WWC2: variants seen among roughly 807,000 people sequenced by gnomAD.
The protein encoded by WWC2 is protein WWC2.
A neutral mutation model predicts 138.5 loss-of-function variants in WWC2; 101 were observed. The observed-to-expected ratio is 0.73, with a 90% CI of 0.62 to 0.86. The LOEUF is 0.86. Among genes scored for constraint, WWC2 ranks in the 40% least tolerant of loss-of-function variants. WWC2 has a pLI of 0.00. For synonymous variants in WWC2, 558 were observed against 538.4 expected (o/e 1.04, Z -0.50); for missense variants, 1,420 against 1,419.4 (o/e 1.00, Z -0.01).
Position 183,149,621 on chromosome 4 carries a change from TAA to T in WWC2, c.132-43964_132-43963del, listed in dbSNP as rs776141200. On this transcript the variant is annotated intron_variant, in intron 1 of 22. Coordinates refer to ENST00000403733, the MANE Select transcript of WWC2 (RefSeq NM_024949.6). ...TGGGCAACAAGAGTGAAACTCTGTCTAAAAAAAAAAAAAAATCTTTAAGTATT... is the reference window on the plus strand; with the variant it reads ...TGGGCAACAAGAGTGAAACTCTGTCTAAAAAAAAAAAAATCTTTAAGTATT... Among the ~76,000 whole-genome samples, 736 of 134,558 alleles carry T rather than the reference TAA, an allele frequency of 5.5e-3. 6 individuals are homozygous for T. The highest frequency in any genetic ancestry group is 0.019 in the African/African-American group (704 of 36,720). 88.3% of individuals were successfully genotyped at this position (134,558 alleles called of 152,430 possible).
intron 21 of WWC2, among the ~76,000 whole-genome samples, chr4:183,309,455 CAAAT>C (rs1477829268): frequency 1.3e-5 from 2 of 152,126 alleles, no homozygotes; most frequent in Non-Finnish European, 2.9e-5. Context: ...AAGCAGATGA[CAAAT>C]AAACACATGA....
At chr4:183,242,989 G>A (rs1736667057) in intron 5 of WWC2, among the ~76,000 whole-genome samples, 1 of 152,174 alleles carries the variant, frequency 6.6e-6, no homozygotes, top group African/African-American at 2.4e-5. Context: ...GGAGGCAAAA[G>A]AAAAAGAGCA....
At chr4:183,219,374 C>T (rs556019669) in intron 4 of WWC2, among the ~76,000 whole-genome samples, 55 of 152,122 alleles carry the variant, frequency 3.6e-4, no homozygotes, top group Admixed American at 1.4e-3. Context: ...AACAAGAGAA[C>T]TGAGTGCCTG....
intron 21 of WWC2, among the ~76,000 whole-genome samples, chr4:183,310,441 A>G (rs1739172454): frequency 6.6e-6 from 1 of 152,288 alleles, no homozygotes; most frequent in Admixed American, 6.5e-5. Context: ...TTAATTTTTA[A>G]TAATTATTAA....
intron 19 of WWC2, among the ~76,000 whole-genome samples, chr4:183,285,381 C>G (rs1009354707): frequency 1.3e-5 from 2 of 152,120 alleles, no homozygotes; most frequent in Non-Finnish European, 2.9e-5. Flanking sequence ...CATGTATTAG[C>G]TAAAAATACA....
intron 1 of WWC2, among the ~76,000 whole-genome samples, chr4:183,163,163 A>C (rs1016206203): frequency 6.6e-5 from 10 of 152,352 alleles, no homozygotes; most frequent in African/African-American, 2.4e-4. Flanking sequence ...AAGCAGGCAG[A>C]CCTGTTCACG....
chr4:183,233,691 G>A (rs1736329285), intron 4 of WWC2: 1 of 152,092 alleles, frequency 6.6e-6, no homozygotes, highest in Non-Finnish European at 1.5e-5. Context: ...CACGGTTCTA[G>A]CAGCATCTGG....
At chr4:183,110,298 T>C (rs1732192558) in intron 1 of WWC2, among the ~76,000 whole-genome samples, 1 of 152,224 alleles carries the variant, frequency 6.6e-6, no homozygotes, top group Non-Finnish European at 1.5e-5. Flanking sequence ...TAGTTAGAAA[T>C]ACTGACTTTC....
intron 22 of WWC2, 112 bp downstream of exon 22, chr4:183,312,580 C>A: frequency 6.9e-7 from 1 of 1,454,694 alleles, no homozygotes; most frequent in South Asian, 1.2e-5. Flanking sequence ...CAGAAGTCCT[C>A]TGTTCTCTAC....
intron 17 of WWC2, chr4:183,281,286 C>T (rs867920526): frequency 1.6e-5 from 4 of 244,490 alleles, no homozygotes; most frequent in African/African-American, 4.5e-5. Context: ...TAAGACAAAG[C>T]AGGTATTTAA....
intron 1 of WWC2, among the ~76,000 whole-genome samples, chr4:183,192,591 G>C (rs1216686330): frequency 1.3e-5 from 2 of 152,230 alleles, no homozygotes; most frequent in African/African-American, 2.4e-5. Context: ...GCATTCTGAA[G>C]GGTGGATGAT....
At chr4:183,246,755 G>C (rs956769609) in intron 6 of WWC2, among the ~76,000 whole-genome samples, 2 of 152,168 alleles carry the variant, frequency 1.3e-5, no homozygotes, top group African/African-American at 4.8e-5. Flanking sequence ...CTGGGTTAAC[G>C]TGGTTTTAAC....
intron 2 of WWC2, among the ~76,000 whole-genome samples, chr4:183,196,402 C>A (rs1203644333): frequency 6.6e-6 from 1 of 152,148 alleles, no homozygotes; most frequent in African/African-American, 2.4e-5. Context: ...CCACACCTGC[C>A]CAGCTTTCTT....
intron 1 of WWC2, among the ~76,000 whole-genome samples, chr4:183,180,330 G>T (rs1734591074): frequency 6.6e-6 from 1 of 152,090 alleles, no homozygotes; most frequent in Admixed American, 6.5e-5. Flanking sequence ...ACACTTTGCC[G>T]TCTTGTCTCA....
intron 21 of WWC2, among the ~76,000 whole-genome samples, chr4:183,296,502 C>T (rs1240857507): frequency 6.6e-6 from 1 of 152,082 alleles, no homozygotes; most frequent in Non-Finnish European, 1.5e-5. Context: ...TTAGAACTCT[C>T]CTTTGTAAAA....
rs925227499 is a variant in WWC2, at chr4:183,128,532, T to C, written c.131+28910T>C. Reference sequence around the variant, plus strand: ...CCTGTCTTAAAAAGATCAAAATGTGTCTTTTTGTGGCTCTTCCTATAAGAC... The same window carrying C: ...CCTGTCTTAAAAAGATCAAAATGTGCCTTTTTGTGGCTCTTCCTATAAGAC... On this transcript the variant is annotated intron_variant, in intron 1 of 22. Coordinates refer to ENST00000403733, the MANE Select transcript of WWC2 (RefSeq NM_024949.6). Among the ~76,000 whole-genome samples, 5 of 152,116 alleles carry C rather than the reference T, an allele frequency of 3.3e-5. No homozygotes were observed. The East Asian group carries it at 9.6e-4, about 29-fold the overall frequency.
intron 4 of WWC2, among the ~76,000 whole-genome samples, chr4:183,227,318 G>C (rs1359232690): frequency 6.6e-6 from 1 of 152,066 alleles, no homozygotes; most frequent in Non-Finnish European, 1.5e-5. Flanking sequence ...GTGACAGATG[G>C]TTGTGCCTCC....
intron 1 of WWC2, among the ~76,000 whole-genome samples, chr4:183,138,559 C>T (rs947228600): frequency 3.9e-5 from 6 of 152,192 alleles, no homozygotes; most frequent in South Asian, 2.1e-4. Context: ...GAGTGGTTTC[C>T]GCAGGAGACC....
At chr4:183,208,918 ATAAT>A (rs1193967490) in intron 3 of WWC2, 27 bp from the exon 4 acceptor site, 4 of 1,437,948 alleles carry the variant, frequency 2.8e-6, no homozygotes, top group African/African-American at 1.4e-5. Context: ...CAACTTGTAA[ATAAT>A]TAGTTTTTCT....
Sources: gnomAD v4.1 joint callset for allele counts (sites outside exome capture counted in the v4.1 genomes callset) on GRCh38, gnomAD v4.1.1 for gene constraint, MANE v1.5 for transcripts, NCBI Gene and HGNC (gene_info 2026-07-23, HGNC 2026-07-21) for gene names.